The following GTF2H1 variants were observed in gnomAD, a reference collection of about 807,000 sequenced individuals.
GTF2H1 encodes general transcription factor IIH subunit 1, also known as BTF2 p62.
In GTF2H1, 16 loss-of-function variants were observed where a neutral mutation model predicts 71.2. The ratio of observed to expected loss-of-function variants is 0.22; its 90% confidence interval spans 0.15 to 0.34. The LOEUF (loss-of-function observed/expected upper bound fraction) is 0.34. GTF2H1 is among the 10% of genes least tolerant of loss of function. The pLI, the probability that GTF2H1 is intolerant of heterozygous loss-of-function variation, is 1.00. For missense variants in GTF2H1, 498 were observed against 648.2 expected (o/e 0.77, Z 2.52); for synonymous variants, 215 against 219.0 (o/e 0.98, Z 0.16).
At chr11:18,329,489 T>C (rs563457247) in intron 1 of GTF2H1, among the ~76,000 whole-genome samples, 1 of 152,358 alleles carries the variant, frequency 6.6e-6, no homozygotes, top group East Asian at 1.9e-4. Context: ...TGGTCCTCCT[T>C]GTCCCTTCCT....
At chr11:18,355,482 G>GT (rs1455467383) in intron 11 of GTF2H1, among the ~76,000 whole-genome samples, 3 of 81,500 alleles carry the variant, frequency 3.7e-5, no homozygotes, top group Non-Finnish European at 4.8e-5. Flanking sequence ...TTAACATACA[G>GT]TAAAATAAAT....
intron 9 of GTF2H1, among the ~76,000 whole-genome samples, chr11:18,350,891 G>A (rs1865405688): frequency 6.6e-6 from 1 of 152,082 alleles, no homozygotes; most frequent in South Asian, 2.1e-4. Flanking sequence ...ATAGCACAGG[G>A]GGTAACAGAT....
At chr11:18,323,772 C>T (rs1033069306) in intron 1 of GTF2H1, among the ~76,000 whole-genome samples, 3 of 152,242 alleles carry the variant, frequency 2.0e-5, no homozygotes, top group African/African-American at 7.2e-5. Context: ...CCCCACTTAA[C>T]TTCTATCCTA....
intron 11 of GTF2H1, among the ~76,000 whole-genome samples, chr11:18,357,406 C>T (rs181025907): frequency 1.1e-3 from 165 of 151,952 alleles, no homozygotes; most frequent in Non-Finnish European, 1.8e-3. Flanking sequence ...TTCCCCCACT[C>T]TGTTATCAAG....
At chr11:18,343,094 G>A (rs1305633910) in intron 7 of GTF2H1, among the ~76,000 whole-genome samples, 3 of 152,120 alleles carry the variant, frequency 2.0e-5, no homozygotes, top group African/African-American at 7.2e-5. Flanking sequence ...GCTAATTTTT[G>A]TATTTTTAGT....
At chr11:18,331,395 A>G (rs1206939130) in intron 1 of GTF2H1, among the ~76,000 whole-genome samples, 1 of 151,622 alleles carries the variant, frequency 6.6e-6, no homozygotes, top group Non-Finnish European at 1.5e-5. Flanking sequence ...TGCTGGGCGC[A>G]GTGGCTCACA....
intron 3 of GTF2H1, 86 bp downstream of exon 3, chr11:18,336,032 CGTTTTTTCGGTTTTG>C: frequency 2.2e-6 from 2 of 922,594 alleles, no homozygotes; most frequent in South Asian, 5.2e-5. Context: ...GCTATCCCCA[CGTTTTTTCGGTTTTG>C]GTTTTGGTTT....
chr11:18,332,992 A>C, intron 1 of GTF2H1, 68 bp from the exon 2 acceptor site: 1 of 1,056,004 alleles, frequency 9.5e-7, no homozygotes, highest in Non-Finnish European at 1.3e-6. Flanking sequence ...GGACTCTAGA[A>C]GTCAACAAAT....
At position 18,365,982 on chromosome 11, in the gene GTF2H1, A is replaced by T; in HGVS notation, c.*113A>T. Reference sequence around the variant, plus strand: ...TGACCTCACAGGAGTGATAAGAAACATCTGCTCCACGCCAACTCCCAGAGC... The same window carrying T: ...TGACCTCACAGGAGTGATAAGAAACTTCTGCTCCACGCCAACTCCCAGAGC... On this transcript the variant is annotated 3_prime_UTR_variant, in exon 15 of 15. Coordinates refer to ENST00000265963, the MANE Select transcript of GTF2H1 (RefSeq NM_005316.4). The T allele has an allele frequency of 1.4e-6, 1 of 700,122 alleles. No homozygotes were observed. Among genetic ancestry groups the T allele is most frequent in the Non-Finnish European group, 2.5e-6 (1 of 394,810 alleles). The allele number at this position is 700,122 out of a possible 1,614,324, so 43.4% of individuals were successfully genotyped here.
intron 1 of GTF2H1, among the ~76,000 whole-genome samples, chr11:18,329,791 A>G (rs1864851367): frequency 6.6e-6 from 1 of 152,218 alleles, no homozygotes; most frequent in Non-Finnish European, 1.5e-5. Flanking sequence ...TCAAGACCCA[A>G]TTTATAACCA....
At chr11:18,364,417 C>T (rs946515820) in intron 14 of GTF2H1, among the ~76,000 whole-genome samples, 3 of 152,104 alleles carry the variant, frequency 2.0e-5, no homozygotes, top group Admixed American at 2.0e-4. Context: ...GAGACTTCTA[C>T]CTCAAAAGTC....
chr11:18,366,025 C>T lies in GTF2H1; in HGVS notation c.*156C>T. 1 of 602,524 alleles carries T rather than the reference C, an allele frequency of 1.7e-6. No homozygotes were observed. Among genetic ancestry groups the T allele is most frequent in the Non-Finnish European group, 3.0e-6 (1 of 337,528 alleles). 37.3% of individuals were successfully genotyped at this position (602,524 alleles called of 1,614,324 possible). ...CCCAGAGCTGATGCTATTGTACTTG[C>T]ACATTGGAGACTGAAAGGAAAGAAG... On this transcript the variant is annotated 3_prime_UTR_variant, in exon 15 of 15. Coordinates refer to ENST00000265963, the MANE Select transcript of GTF2H1 (RefSeq NM_005316.4).
rs766475976 is a variant in GTF2H1, at chr11:18,335,818, C to A, written c.219C>A (p.Asp73Glu). ...IQLQLVLHAG[D>E]TTNFHFSNES... ...TTCAGCTGGTCCTACATGCAGGGGACACAACTAACTTCCATTTTTCCAATG... is the reference window on the plus strand; with the variant it reads ...TTCAGCTGGTCCTACATGCAGGGGAAACAACTAACTTCCATTTTTCCAATG... Residue 73 changes from aspartate to glutamate, a missense_variant, in exon 3 of 15, where the codon GAC becomes GAA. By Grantham distance (45) the Asp-to-Glu change is conservative (BLOSUM62 2). This residue lies in a region of GTF2H1 where 216 missense variants were observed against 306.2 expected (regional missense o/e 0.71). Transcript: ENST00000265963. 14 of 1,613,828 alleles carry A rather than the reference C, an allele frequency of 8.7e-6. No homozygotes were observed. The highest frequency in any genetic ancestry group is 1.7e-5 in the Admixed American group (1 of 59,992).
rs952055460 is a variant in GTF2H1 at position 18,360,703 on chromosome 11, C to T, written c.1556C>T (p.Thr519Ile). 1 of 1,510,186 alleles carries T rather than the reference C, an allele frequency of 6.6e-7. No individual in the cohort carries two copies. The highest frequency in any genetic ancestry group is 2.0e-5 in the Admixed American group (1 of 49,772). The allele number at this position is 1,510,186 out of a possible 1,614,324, so 93.5% of individuals were successfully genotyped here. A position where few individuals can be genotyped will look rare whatever the true frequency, so the allele number is the denominator to read the frequency against. The change falls in exon 14 of 15, where the codon ACA (threonine) becomes ATA (isoleucine). Residue 519 changes from threonine (T) to isoleucine (I), a missense_variant. By Grantham distance (89) the Thr-to-Ile change is moderately conservative. Transcript: ENST00000265963. ...QEKIRRQYLS[T>I]NLVSHIEEML... ...AAGATTCGGAGACAGTATTTAAGCA[C>T]AAATGTAAGGCAGCAATCTGATTTT...
chr11:18,352,001 A>G (rs778240500), intron 10 of GTF2H1, 32 bp downstream of exon 10: 37 of 1,105,438 alleles, frequency 3.3e-5, no homozygotes, highest in African/African-American at 9.3e-5. Flanking sequence ...CAGAATAGCT[A>G]TGTAACAATT....
rs1590198715 is a variant in GTF2H1 at position 18,357,986 on chromosome 11, C to T, written c.1295C>T (p.Thr432Ile). Residue 432 changes from threonine to isoleucine, a missense_variant, in exon 12 of 15, where the codon ACA becomes ATA. Physicochemically the swap from Thr to Ile is moderately conservative, Grantham distance 89 (BLOSUM62 -1). This residue lies in a region of GTF2H1 where 266 missense variants were observed against 301.6 expected (regional missense o/e 0.88). Transcript: ENST00000265963. ...AGTAGTGCTGCCAGTAGTACCATCA[C>T]AGCACTGTCACCTGGAGGGGCACTT... is the stretch of plus-strand genomic sequence containing the variant. ...LSSSAASSTI[T>I]ALSPGGALMQ... 4.3e-6 allele frequency: 7 copies of T among 1,612,424 alleles called. No homozygotes were observed. The highest frequency in any genetic ancestry group is 5.1e-6 in the Non-Finnish European group (6 of 1,178,814).
intron 1 of GTF2H1, among the ~76,000 whole-genome samples, chr11:18,326,431 G>A (rs1028314242): frequency 1.3e-5 from 2 of 152,018 alleles, no homozygotes; most frequent in African/African-American, 4.8e-5. Flanking sequence ...CTGAGGCAAG[G>A]GAATCGCTTG....
At chr11:18,361,155 C>T (rs1161624682) in intron 14 of GTF2H1, among the ~76,000 whole-genome samples, 1 of 152,076 alleles carries the variant, frequency 6.6e-6, no homozygotes, top group Admixed American at 6.6e-5. Flanking sequence ...TGAAATGTGT[C>T]ATGCATTCAG....
At chr11:18,336,024 T>G in intron 3 of GTF2H1, 78 bp downstream of exon 3, 1 of 969,732 alleles carries the variant, frequency 1.0e-6, no homozygotes, top group East Asian at 2.7e-5. Context: ...GCTTGTTAGC[T>G]ATCCCCACGT....
Sources: allele counts gnomAD v4.1 joint callset (sites outside exome capture counted in the v4.1 genomes callset), GRCh38; gene constraint gnomAD v4.1.1; regional missense constraint gnomAD v4.1.1; transcripts MANE v1.5; gene names NCBI Gene and HGNC (gene_info 2026-07-23, HGNC 2026-07-21).